SLC17A6: variants seen among roughly 807,000 people sequenced by gnomAD.
SLC17A6 encodes the protein solute carrier family 17 member 6.
A neutral mutation model predicts 67.1 loss-of-function variants in SLC17A6; 35 were observed. That is an observed-to-expected ratio of 0.52 (90% CI 0.40 to 0.69). SLC17A6 has a LOEUF of 0.69. SLC17A6 is among the 30% of genes least tolerant of loss of function. The probability of loss-of-function intolerance (pLI) is 0.00; values close to 1 mark genes in which losing one functional copy is unlikely to be tolerated. For synonymous variants in SLC17A6, 285 were observed against 252.3 expected (o/e 1.13, Z -1.23); for missense variants, 588 against 723.9 (o/e 0.81, Z 2.15).
chr11:22,376,266 G>A (rs561041638), intron 10 of SLC17A6, among the ~76,000 whole-genome samples, 174 bp downstream of exon 10: 1 of 152,014 alleles, frequency 6.6e-6, no homozygotes, highest in South Asian at 2.1e-4. Context: ...AAAACATTTA[G>A]ATTTGTTAAT....
At chr11:22,376,762 C>T (rs1856237083) in intron 11 of SLC17A6, 90 bp downstream of exon 11, 1 of 1,385,928 alleles carries the variant, frequency 7.2e-7, no homozygotes, top group Admixed American at 1.7e-5. Flanking sequence ...TTATCCTTAG[C>T]ATTTTCTTTC....
intron 4 of SLC17A6, among the ~76,000 whole-genome samples, chr11:22,360,325 G>C (rs555991119): frequency 2.0e-5 from 3 of 151,986 alleles, no homozygotes; most frequent in Non-Finnish European, 4.4e-5. Context: ...GCAGCCTATT[G>C]GGGAAGGGCA....
chr11:22,340,605 G>A (rs889579563), intron 1 of SLC17A6, among the ~76,000 whole-genome samples: 2 of 152,138 alleles, frequency 1.3e-5, no homozygotes, highest in Non-Finnish European at 2.9e-5. Flanking sequence ...GTCGCATTTT[G>A]CGTCTTGGGA....
intron 6 of SLC17A6, among the ~76,000 whole-genome samples, chr11:22,363,790 C>A (rs988912163): frequency 3.3e-5 from 5 of 150,892 alleles, no homozygotes; most frequent in Non-Finnish European, 7.4e-5. Flanking sequence ...TTTTTTTTTT[C>A]TTAGGGAGAT....
rs201676113 is a variant in SLC17A6 at position 22,338,632 on chromosome 11, G to T, written c.86+13G>T. On this transcript the variant is annotated intron_variant, in intron 1 of 11. Coordinates refer to ENST00000263160, the MANE Select transcript of SLC17A6 (RefSeq NM_020346.3). ...GCCAGATCTACAGGTAAGACAAAGC[G>T]AACACTTGCTTACCTGGGGCTCAGC... The T allele has an allele frequency of 1.3e-6, 2 of 1,596,540 alleles. No homozygotes were observed. Among genetic ancestry groups the T allele is most frequent in the Non-Finnish European group, 1.7e-6 (2 of 1,165,430 alleles).
rs550250083 is a variant in SLC17A6 at position 22,344,294 on chromosome 11, A to T, written c.458+929A>T. 9.9e-5 allele frequency among the ~76,000 whole-genome samples: 15 copies of T among 152,230 alleles called. No homozygotes were observed. The East Asian group carries it at 2.9e-3, about 29-fold the overall frequency. On this transcript the variant is annotated intron_variant, in intron 3 of 11. Transcript: ENST00000263160. ...TCCTCTTCCTACACCCAAAACTCAC[A>T]TTTTAAAGGAAGAGGACTAGAAGTT...
intron 6 of SLC17A6, among the ~76,000 whole-genome samples, chr11:22,364,799 T>C (rs1195903653): frequency 6.6e-6 from 1 of 152,170 alleles, no homozygotes; most frequent in African/African-American, 2.4e-5. Context: ...TACAGATTTA[T>C]ATCGCACAAA....
At chr11:22,370,795 G>A (rs1856166992) in intron 8 of SLC17A6, among the ~76,000 whole-genome samples, 3 of 152,124 alleles carry the variant, frequency 2.0e-5, no homozygotes, top group Admixed American at 6.6e-5. Context: ...AAACGTGAAA[G>A]TAAGTTACCA....
chr11:22,344,141 C>T (rs1041410168), intron 3 of SLC17A6, among the ~76,000 whole-genome samples: 1 of 152,150 alleles, frequency 6.6e-6, no homozygotes, highest in Non-Finnish European at 1.5e-5. Flanking sequence ...CATTGATAAG[C>T]AAAACTAAAT....
chr11:22,368,216 A>T (rs2593687), intron 7 of SLC17A6, among the ~76,000 whole-genome samples: 32,518 of 151,996 alleles, frequency 0.21, 3,588 homozygotes, highest in Middle Eastern at 0.26. Context: ...TTTAACTCCT[A>T]CATCATATTC....
At chr11:22,361,080 C>T in intron 5 of SLC17A6, 96 bp downstream of exon 5, 1 of 951,286 alleles carries the variant, frequency 1.1e-6, no homozygotes, top group South Asian at 1.7e-5. Context: ...GTAAAACCAT[C>T]TGGGTTTTGT....
intron 5 of SLC17A6, chr11:22,361,259 C>T (rs1856048873): frequency 3.7e-6 from 1 of 266,894 alleles, no homozygotes; most frequent in Admixed American, 5.1e-5. Flanking sequence ...TACTCTTATA[C>T]TGCAGTCCAT....
chr11:22,367,168 T>A (rs1856122780), intron 7 of SLC17A6, among the ~76,000 whole-genome samples: 1 of 152,136 alleles, frequency 6.6e-6, no homozygotes. Context: ...ATTATGCATT[T>A]GTTCTTTTAA....
chr11:22,340,020 C>A (rs1199511099), intron 1 of SLC17A6, among the ~76,000 whole-genome samples: 1 of 152,144 alleles, frequency 6.6e-6, no homozygotes, highest in East Asian at 1.9e-4. Flanking sequence ...GCCACAAATA[C>A]CTTTATGACT....
intron 5 of SLC17A6, chr11:22,361,195 G>T: frequency 2.2e-6 from 1 of 457,492 alleles, no homozygotes; most frequent in South Asian, 4.1e-5. Context: ...ATTTTTCTAG[G>T]AATTGATCCA....
intron 3 of SLC17A6, among the ~76,000 whole-genome samples, chr11:22,355,047 C>T (rs2133866437): frequency 6.6e-6 from 1 of 152,276 alleles, no homozygotes; most frequent in Middle Eastern, 3.4e-3. Flanking sequence ...CAAGTTCCAA[C>T]ATTCTTTAAA....
chr11:22,342,131 T>C (rs1855822490), intron 2 of SLC17A6, among the ~76,000 whole-genome samples: 1 of 152,268 alleles, frequency 6.6e-6, no homozygotes, highest in South Asian at 2.1e-4. Flanking sequence ...ATATTAATTA[T>C]AGTTTTCCCA....
chr11:22,352,619 T>C, intron 3 of SLC17A6, among the ~76,000 whole-genome samples: 1 of 152,186 alleles, frequency 6.6e-6, no homozygotes, highest in Non-Finnish European at 1.5e-5. Context: ...AGTGGAGACC[T>C]GGACCCAATT....
chr11:22,352,018 A>G (rs1342001840), intron 3 of SLC17A6, among the ~76,000 whole-genome samples: 1 of 152,230 alleles, frequency 6.6e-6, no homozygotes, highest in Non-Finnish European at 1.5e-5. Flanking sequence ...CAAGCATAAT[A>G]TAATATATAT....
Sources: gnomAD v4.1 joint callset for allele counts (sites outside exome capture counted in the v4.1 genomes callset) on GRCh38, gnomAD v4.1.1 for gene constraint, MANE v1.5 for transcripts, NCBI Gene and HGNC (gene_info 2026-07-23, HGNC 2026-07-21) for gene names.